ATG3: variants seen among roughly 807,000 people sequenced by gnomAD.
ATG3 encodes the protein ubiquitin-like-conjugating enzyme ATG3.
In ATG3, 25 loss-of-function variants were observed where a neutral mutation model predicts 50.7. The observed-to-expected ratio is 0.49, with a 90% CI of 0.36 to 0.69. The LOEUF is 0.69. Among genes scored for constraint, ATG3 ranks in the 30% least tolerant of loss-of-function variants. The pLI is 0.00. For missense variants in ATG3, 281 were observed against 376.0 expected (o/e 0.75, Z 2.09); for synonymous variants, 119 against 125.5 (o/e 0.95, Z 0.34).
intron 11 of ATG3, chr3:112,533,781 T>C (rs772214730): frequency 4.1e-6 from 4 of 985,370 alleles, no homozygotes; most frequent in Non-Finnish European, 4.8e-6. Flanking sequence ...TATAGTAAGA[T>C]ACAAGAAAGG....
chr3:112,557,572 C>T (rs773308057), intron 2 of ATG3, among the ~76,000 whole-genome samples: 12 of 152,122 alleles, frequency 7.9e-5, no homozygotes, highest in Non-Finnish European at 1.6e-4. Flanking sequence ...GAGCCAAGAT[C>T]GCGCCACTGT....
At chr3:112,539,840 C>T (rs1379988184) in intron 7 of ATG3, among the ~76,000 whole-genome samples, 1 of 152,130 alleles carries the variant, frequency 6.6e-6, no homozygotes, top group Non-Finnish European at 1.5e-5. Flanking sequence ...AATAAACATA[C>T]TAAATGACTA....
In ATG3 at chr3:112,534,290, CCT is replaced by C; in HGVS notation, c.840_841del (p.Gly282ArgfsTer25). 6.2e-7 allele frequency: 1 copy of C among 1,601,850 alleles called. No homozygotes were observed. The highest frequency in any genetic ancestry group is 8.5e-7 in the Non-Finnish European group (1 of 1,174,464). On this transcript the variant is annotated frameshift_variant, in exon 11 of 12. Coordinates refer to ENST00000283290, the MANE Select transcript of ATG3 (RefSeq NM_022488.5). LOFTEE classifies it high-confidence loss of function. ...ATACATATGAACTCCAAGTTCTCCC[CCT>C]CCTTCTGCAACAGTCTCAATGATTT... is the stretch of plus-strand genomic sequence containing the variant.
intron 11 of ATG3, chr3:112,533,443 G>A: frequency 4.1e-6 from 4 of 985,246 alleles, no homozygotes; most frequent in Non-Finnish European, 4.8e-6. Context: ...AATATGGTTT[G>A]GACTGGAAGT....
At chr3:112,551,946 G>A (rs1434170820) in intron 3 of ATG3, among the ~76,000 whole-genome samples, 1 of 151,944 alleles carries the variant, frequency 6.6e-6, no homozygotes, top group Non-Finnish European at 1.5e-5. Context: ...TTAGTCTTTT[G>A]GTACATAAAT....
intron 2 of ATG3, among the ~76,000 whole-genome samples, chr3:112,557,828 A>C (rs1332240836): frequency 6.6e-6 from 1 of 152,214 alleles, no homozygotes. Flanking sequence ...GAAAAAAAAA[A>C]ATTCAAGCTT....
chr3:112,551,454 A>T (rs553593560), intron 3 of ATG3, among the ~76,000 whole-genome samples: 1 of 152,354 alleles, frequency 6.6e-6, no homozygotes, highest in Middle Eastern at 3.4e-3. Context: ...CCAGGAATTT[A>T]GCCAAAAGTG....
At chr3:112,561,372 G>C in intron 1 of ATG3, 85 bp downstream of exon 1, 1 of 1,420,680 alleles carries the variant, frequency 7.0e-7, no homozygotes, top group Non-Finnish European at 9.9e-7. Flanking sequence ...TGCCCCGCCG[G>C]AGAAAGCGGG....
rs777986876 is a variant in ATG3, at chr3:112,535,493, A to C, written c.794+982T>G. 13 of 152,162 alleles carry C rather than the reference A, an allele frequency of 8.5e-5. 1 individual carries two copies. Among genetic ancestry groups the C allele is most frequent in the Non-Finnish European group, 1.8e-4 (12 of 67,998 alleles). 9.4% of individuals were successfully genotyped at this position (152,162 alleles called of 1,614,324 possible). On this transcript the variant is annotated intron_variant, in intron 10 of 11. Transcript: ENST00000283290. ...TGATAAGCACCATCCTAAGACCTTA[A>C]ACCATAAGAGGAATCAAGAGAATAA... is the stretch of plus-strand genomic sequence containing the variant.
rs111381655 is a variant in ATG3 at position 112,537,799 on chromosome 3, T to C, written c.602A>G (p.Asp201Gly). The C allele has an allele frequency of 1.2e-6, 2 of 1,612,540 alleles. No individual in the cohort carries two copies. Among genetic ancestry groups the C allele is most frequent in the East Asian group, 2.2e-5 (1 of 44,766 alleles). The change falls in exon 9 of 12, where the codon GAC becomes GGC. Residue 201 changes from aspartate (D) to glycine (G), a missense_variant. Asp to Gly is a moderately conservative substitution (Grantham distance 94). Coordinates refer to ENST00000283290, the MANE Select transcript of ATG3 (RefSeq NM_022488.5). ...EDAILQTRTY[D>G]LYITYDKYYQ... ...ATATTTATCATAAGTGATGTAAAGG[T>C]CATAAGTTCTGGTTTGCAAAATAGC...
intron 10 of ATG3, chr3:112,534,993 T>G (rs1932983387): frequency 6.6e-6 from 1 of 152,092 alleles, no homozygotes; most frequent in Non-Finnish European, 1.5e-5. Context: ...ATAAATTTTT[T>G]GGCTTATAAG....
chr3:112,553,335 C>T lies in ATG3; in HGVS notation c.115-6G>A. 6.2e-7 allele frequency: 1 copy of T among 1,611,310 alleles called. No individual in the cohort carries two copies. The highest frequency in any genetic ancestry group is 8.5e-7 in the Non-Finnish European group (1 of 1,177,652). The stretch of plus-strand genomic sequence containing the variant: ...TGATCTCCAGCTGCCACAAACTATT[C>T]AGGATTTAAAAGTAATATGAAAAAA... On this transcript the variant is annotated splice_region_variant and splice_polypyrimidine_tract_variant and intron_variant, in intron 2 of 11. Transcript: ENST00000283290.
At chr3:112,553,169 A>C in intron 3 of ATG3, 111 bp downstream of exon 3, 1 of 864,966 alleles carries the variant, frequency 1.2e-6, no homozygotes, top group Non-Finnish European at 1.9e-6. Context: ...TGCTGGGGGG[A>C]AAGTTAAACT....
chr3:112,537,681 A>T, intron 9 of ATG3, 54 bp downstream of exon 9: 1 of 1,378,134 alleles, frequency 7.3e-7, no homozygotes, highest in Non-Finnish European at 9.7e-7. Flanking sequence ...AGAAGAAATT[A>T]AAACCCAACA....
chr3:112,546,969 T>C (rs1202615583), intron 5 of ATG3, among the ~76,000 whole-genome samples: 1 of 152,256 alleles, frequency 6.6e-6, no homozygotes, highest in Non-Finnish European at 1.5e-5. Flanking sequence ...GCCCAAGTCC[T>C]GAATCTTTGC....
At chr3:112,543,204 C>T (rs2107375148) in intron 6 of ATG3, among the ~76,000 whole-genome samples, 1 of 152,076 alleles carries the variant, frequency 6.6e-6, no homozygotes, top group African/African-American at 2.4e-5. Context: ...ACAATTATTC[C>T]ATTCAAATAG....
chr3:112,542,687 T>C (rs969460306), intron 6 of ATG3, among the ~76,000 whole-genome samples: 2 of 152,050 alleles, frequency 1.3e-5, no homozygotes, highest in African/African-American at 4.8e-5. Context: ...AAATTAATCA[T>C]TAAGAAAAAG....
chr3:112,540,614 CAG>C (rs1429772545), intron 7 of ATG3, among the ~76,000 whole-genome samples: 3 of 148,884 alleles, frequency 2.0e-5, no homozygotes, highest in Non-Finnish European at 3.0e-5. Flanking sequence ...TCTGGGAGTA[CAG>C]AGAGTAAGCA....
chr3:112,534,381 G>T (rs576404012), intron 10 of ATG3, 44 bp from the exon 11 acceptor site: 2 of 1,448,552 alleles, frequency 1.4e-6, no homozygotes, highest in Non-Finnish European at 1.8e-6. Context: ...AGATCGATTA[G>T]ACCGAAAGAA....
Sources: gnomAD v4.1 joint callset for allele counts (sites outside exome capture counted in the v4.1 genomes callset) on GRCh38, gnomAD v4.1.1 for gene constraint, MANE v1.5 for transcripts, NCBI Gene and HGNC (gene_info 2026-07-23, HGNC 2026-07-21) for gene names.